The following ABCB1 variants were observed in gnomAD, a reference collection of about 807,000 sequenced individuals.
The protein encoded by ABCB1 is ATP binding cassette subfamily B member 1, also known as ATP-dependent translocase ABCB1.
Under a neutral mutation model 142.0 loss-of-function variants are expected in ABCB1, and 69 were observed. That is an observed-to-expected ratio of 0.49 (90% CI 0.40 to 0.59). The LOEUF is 0.59. Among genes scored for constraint, ABCB1 ranks in the 20% least tolerant of loss-of-function variants. The probability of loss-of-function intolerance (pLI) is 0.00; values close to 1 mark genes in which losing one functional copy is unlikely to be tolerated. For synonymous variants in ABCB1, 532 were observed against 539.2 expected (o/e 0.99, Z 0.18); for missense variants, 1,326 against 1,554.7 (o/e 0.85, Z 2.47).
chr7:87,577,026 A>G (rs1393464856), intron 4 of ABCB1, among the ~76,000 whole-genome samples: 8 of 152,042 alleles, frequency 5.3e-5, no homozygotes, highest in African/African-American at 1.9e-4. Flanking sequence ...CTAACTATAT[A>G]TTTTTGTATC....
chr7:87,639,654 A>G (rs1011404092), intron 1 of ABCB1, among the ~76,000 whole-genome samples: 2 of 152,096 alleles, frequency 1.3e-5, no homozygotes, highest in Non-Finnish European at 2.9e-5. Context: ...ATTATCTCTA[A>G]TAATGCTAGT....
intron 1 of ABCB1, chr7:87,628,619 G>A: frequency 6.5e-6 from 2 of 307,002 alleles, no homozygotes; most frequent in Admixed American, 5.5e-5. Context: ...GTGTGTGTGT[G>A]TGTGTGGAGC....
intron 17 of ABCB1, among the ~76,000 whole-genome samples, chr7:87,542,868 T>TTTA (rs1816602058): frequency 6.6e-6 from 1 of 152,210 alleles, no homozygotes; most frequent in Non-Finnish European, 1.5e-5. Context: ...AGAAATCATG[T>TTTA]GGCATGCAAA....
At chr7:87,523,416 T>C (rs1212504534) in intron 21 of ABCB1, among the ~76,000 whole-genome samples, 2 of 152,034 alleles carry the variant, frequency 1.3e-5, no homozygotes, top group African/African-American at 4.8e-5. Flanking sequence ...TCATTTGAAG[T>C]AAGGAGTTTG....
chr7:87,509,446 A>T lies in ABCB1; in HGVS notation c.3318T>A (p.Val1106=). The change falls in exon 26 of 28, where the codon GTT becomes GTA. Residue 1106 remains valine (V), a synonymous_variant. Transcript: ENST00000622132. The part of the protein sequence containing the change: ...LDGKEIKRLN[V]QWLRAHLGIV... ...TGCCCAGGTGTGCTCGGAGCCACTG[A>T]ACATTCAGTCGCTTTATTTCTTTGC... The T allele has an allele frequency of 6.2e-7, 1 of 1,614,190 alleles. No homozygotes were observed. Among genetic ancestry groups the T allele is most frequent in the East Asian group, 2.2e-5 (1 of 44,882 alleles).
At chr7:87,626,336 G>GTA (rs1262707660) in intron 1 of ABCB1, among the ~76,000 whole-genome samples, 5 of 12,162 alleles carry the variant, frequency 4.1e-4, no homozygotes, top group Non-Finnish European at 6.3e-4. Context: ...TATATGTGTC[G>GTA]TATATGTGTC....
At position 87,549,529 on chromosome 7, in the gene ABCB1, A is replaced by T; in HGVS notation, c.1555-11T>A. On this transcript the variant is annotated splice_polypyrimidine_tract_variant and intron_variant, in intron 13 of 27. Transcript: ENST00000622132. Reference sequence around the variant, plus strand: ...CAGGGTGTCAAATTTCTACCACAGAAAACCCAGAATGATTTAGCATAAGGA... The same window carrying T: ...CAGGGTGTCAAATTTCTACCACAGATAACCCAGAATGATTTAGCATAAGGA... 1 of 1,614,238 alleles carries T rather than the reference A, an allele frequency of 6.2e-7. No homozygotes were observed. The highest frequency in any genetic ancestry group is 1.3e-5 in the African/African-American group (1 of 75,062).
intron 7 of ABCB1, among the ~76,000 whole-genome samples, chr7:87,562,874 G>C (rs1817622568): frequency 1.3e-5 from 2 of 151,906 alleles, no homozygotes; most frequent in Admixed American, 1.3e-4. Flanking sequence ...ACAAGTGGGA[G>C]AATCACTTGA....
At chr7:87,676,733 A>G (rs900945250) in intron 1 of ABCB1, among the ~76,000 whole-genome samples, 5 of 150,998 alleles carry the variant, frequency 3.3e-5, no homozygotes, top group Non-Finnish European at 7.4e-5. Flanking sequence ...AAAAAAAGAT[A>G]AATGCCTTTA....
intron 1 of ABCB1, among the ~76,000 whole-genome samples, chr7:87,633,844 T>A (rs1288882420): frequency 1.3e-5 from 2 of 152,140 alleles, no homozygotes; most frequent in East Asian, 3.9e-4. Context: ...GACAGTATAA[T>A]CTGTCTTATC....
chr7:87,544,283 A>G lies in ABCB1; in HGVS notation c.2065-8T>C, dbSNP rs776875893. On this transcript the variant is annotated splice_polypyrimidine_tract_variant and splice_region_variant and intron_variant, in intron 16 of 27. Transcript: ENST00000622132. ...TGGAGGTATACTTTCATCCTAGAAA[A>G]CACAAATTATTACAACAGGCTAGTT... 1 of 1,612,386 alleles carries G rather than the reference A, an allele frequency of 6.2e-7. No homozygotes were observed. The highest frequency in any genetic ancestry group is 1.1e-5 in the South Asian group (1 of 90,992).
intron 1 of ABCB1, among the ~76,000 whole-genome samples, chr7:87,632,840 G>T (rs747617203): frequency 2.6e-5 from 4 of 152,024 alleles, no homozygotes; most frequent in African/African-American, 9.7e-5. Flanking sequence ...ATTAAAATAT[G>T]CACATATAAA....
chr7:87,562,911 C>A (rs1395806824), intron 7 of ABCB1, among the ~76,000 whole-genome samples: 3 of 152,088 alleles, frequency 2.0e-5, no homozygotes, highest in African/African-American at 7.2e-5. Context: ...CCAGCCTGGG[C>A]AACACATAGA....
intron 8 of ABCB1, 84 bp downstream of exon 8, chr7:87,561,179 G>A (rs1817548779): frequency 6.7e-7 from 1 of 1,503,392 alleles, no homozygotes; most frequent in Non-Finnish European, 9.1e-7. Flanking sequence ...GGGAGAAAAT[G>A]CTTATAAATA....
upstream of ABCB1, among the ~76,000 whole-genome samples, chr7:87,602,055 A>G (rs918502849): frequency 6.6e-6 from 1 of 151,934 alleles, no homozygotes; most frequent in East Asian, 1.9e-4. Context: ...GTGCAGTGGC[A>G]GGATCTCGGC....
intron 4 of ABCB1, among the ~76,000 whole-genome samples, chr7:87,578,970 G>A (rs1196147685): frequency 1.3e-5 from 2 of 152,282 alleles, no homozygotes; most frequent in East Asian, 1.9e-4. Context: ...TGGGATTACA[G>A]GCGTGAGCCA....
intron 1 of ABCB1, among the ~76,000 whole-genome samples, chr7:87,645,820 G>T (rs539943048): frequency 6.6e-6 from 1 of 152,282 alleles, no homozygotes; most frequent in Admixed American, 6.5e-5. Flanking sequence ...TGAGTATTGA[G>T]TGGGAAGAAT....
At chr7:87,531,242 A>T (rs1816042383) in intron 21 of ABCB1, 52 bp downstream of exon 21, 1 of 1,480,982 alleles carries the variant, frequency 6.8e-7, no homozygotes, top group East Asian at 2.3e-5. Flanking sequence ...AATAACACTG[A>T]TTAGAATACT....
At position 87,515,309 on chromosome 7, in the gene ABCB1, C is replaced by G; in HGVS notation, c.3204G>C (p.Leu1068=). 6.2e-7 allele frequency: 1 copy of G among 1,614,236 alleles called. No individual in the cohort carries two copies. The highest frequency in any genetic ancestry group is 8.5e-7 in the Non-Finnish European group (1 of 1,180,030). ...TCTTCCCACAGCCACTGCTGCCCAC[C>G]AGAGCCAGCGTCTGGCCCTTCTTCA... ...LEVKKGQTLA[L]VGSSGCGKST... is the part of the protein sequence containing the mutation. The change falls in exon 25 of 28, where the codon CTG becomes CTC. Residue 1068 remains leucine (L), a synonymous_variant. Transcript: ENST00000622132.
Sources: allele counts gnomAD v4.1 joint callset (sites outside exome capture counted in the v4.1 genomes callset), GRCh38; gene constraint gnomAD v4.1.1; transcripts MANE v1.5; gene names NCBI Gene and HGNC (gene_info 2026-07-23, HGNC 2026-07-21).